Variants in RFX3 observed in about 807,000 individuals in gnomAD.
RFX3 encodes the protein regulatory factor X3.
In RFX3, 14 loss-of-function variants were observed where a neutral mutation model predicts 98.6. The observed-to-expected ratio is 0.14, with a 90% CI of 0.09 to 0.22. RFX3 has a LOEUF of 0.22. Among genes scored for constraint, RFX3 ranks in the 10% least tolerant of loss-of-function variants. The probability of loss-of-function intolerance (pLI) is 1.00; values close to 1 mark genes in which losing one functional copy is unlikely to be tolerated. For synonymous variants in RFX3, 383 were observed against 328.4 expected, an observed-to-expected ratio of 1.17 and a Z score of -1.80; for missense variants, 639 against 926.9, an observed-to-expected ratio of 0.69 and a Z score of 4.03.
intron 1 of RFX3, among the ~76,000 whole-genome samples, chr9:3,410,992 T>C (rs1842419215): frequency 6.6e-6 from 1 of 152,178 alleles, no homozygotes; most frequent in East Asian, 1.9e-4. Context: ...AAATGGTATT[T>C]TCTATGTAAT....
At position 3,352,534 on chromosome 9, in the gene RFX3, T is replaced by C. The variant is rs149654268; in HGVS notation, c.118-5770A>G. On this transcript the variant is annotated intron_variant, in intron 2 of 16. Transcript: ENST00000617270. ...CTTACCACTATGGCTGATCACATCT[T>C]AAACTTCTCTGCACCTTACACATTA... Among the ~76,000 whole-genome samples, 94 of 152,210 alleles carry C rather than the reference T, an allele frequency of 6.2e-4. 1 individual carries two copies. In the East Asian group the frequency reaches 7.5e-3, roughly 12 times the overall value.
At chr9:3,511,433 A>G (rs1401744680) in intron 1 of RFX3, among the ~76,000 whole-genome samples, 1 of 152,004 alleles carries the variant, frequency 6.6e-6, no homozygotes, top group African/African-American at 2.4e-5. Flanking sequence ...TAAAAAAACT[A>G]AGAGAAGGAA....
chr9:3,285,493 C>T (rs1017649762), intron 7 of RFX3, among the ~76,000 whole-genome samples: 9 of 151,644 alleles, frequency 5.9e-5, no homozygotes, highest in Admixed American at 1.3e-4. Context: ...CTAAATATTT[C>T]TGCACAACAG....
intron 2 of RFX3, among the ~76,000 whole-genome samples, chr9:3,360,901 G>C (rs1315077448): frequency 6.6e-6 from 1 of 152,138 alleles, no homozygotes; most frequent in Non-Finnish European, 1.5e-5. Context: ...ATTTATAATT[G>C]TTAAGCTTAT....
intron 1 of RFX3, among the ~76,000 whole-genome samples, chr9:3,464,441 A>T (rs1212428167): frequency 1.3e-5 from 2 of 152,242 alleles, no homozygotes; most frequent in African/African-American, 4.8e-5. Flanking sequence ...CACACAGTAA[A>T]CTACCACTCA....
intron 1 of RFX3, among the ~76,000 whole-genome samples, chr9:3,496,077 C>A (rs1851088230): frequency 6.6e-6 from 1 of 152,098 alleles, no homozygotes; most frequent in Non-Finnish European, 1.5e-5. Context: ...ATTTTCAGTT[C>A]TCTTATATCA....
chr9:3,270,741 G>T, intron 10 of RFX3: 2 of 659,956 alleles, frequency 3.0e-6, no homozygotes, highest in South Asian at 2.0e-5. Context: ...ATTTTCTGAC[G>T]GTATGAAAGG....
intron 1 of RFX3, among the ~76,000 whole-genome samples, chr9:3,442,646 G>T (rs114627884): frequency 6.6e-6 from 1 of 152,058 alleles, no homozygotes; most frequent in East Asian, 1.9e-4. Context: ...TATTTAAAAC[G>T]TTCACAAAAG....
intron 1 of RFX3, among the ~76,000 whole-genome samples, chr9:3,459,175 G>A (rs1157664934): frequency 6.6e-6 from 1 of 152,106 alleles, no homozygotes; most frequent in East Asian, 1.9e-4. Context: ...TGCTTCATCT[G>A]TACAAACAGA....
At chr9:3,514,754 T>C (rs1817988267) in intron 1 of RFX3, among the ~76,000 whole-genome samples, 2 of 152,228 alleles carry the variant, frequency 1.3e-5, no homozygotes, top group Non-Finnish European at 2.9e-5. Context: ...TATTTTAAAA[T>C]GCTCCTAAGA....
At chr9:3,451,696 C>A (rs992027969) in intron 1 of RFX3, among the ~76,000 whole-genome samples, 1 of 152,064 alleles carries the variant, frequency 6.6e-6, no homozygotes, top group African/African-American at 2.4e-5. Flanking sequence ...GACTTCCTTC[C>A]AGAGTAACCT....
chr9:3,281,963 C>T (rs1825967090), intron 7 of RFX3, among the ~76,000 whole-genome samples: 1 of 151,714 alleles, frequency 6.6e-6, no homozygotes, highest in Non-Finnish European at 1.5e-5. Flanking sequence ...TTCAAAGTGG[C>T]TGAAAAATGC....
chr9:3,504,873 TATATATTATATATA>T (rs1564185292), intron 1 of RFX3, among the ~76,000 whole-genome samples: 23 of 48,820 alleles, frequency 4.7e-4, no homozygotes, highest in Admixed American at 6.8e-4. Context: ...ATATATATTA[TATATATTATATATA>T]ATATAACATA....
At chr9:3,467,828 GAC>G (rs1848450110) in intron 1 of RFX3, among the ~76,000 whole-genome samples, 2 of 152,140 alleles carry the variant, frequency 1.3e-5, no homozygotes, top group African/African-American at 2.4e-5. Context: ...GCCTCCCACA[GAC>G]ACAGAGTTGT....
intron 1 of RFX3, among the ~76,000 whole-genome samples, chr9:3,400,951 G>A (rs1413742947): frequency 6.6e-6 from 1 of 152,216 alleles, no homozygotes; most frequent in Non-Finnish European, 1.5e-5. Flanking sequence ...AGCACATGAT[G>A]TCAACCAGTA....
At chr9:3,326,392 A>C (rs2991307) in intron 4 of RFX3, among the ~76,000 whole-genome samples, 19,258 of 152,070 alleles carry the variant, frequency 0.13, 1,281 homozygotes, top group Middle Eastern at 0.19. Flanking sequence ...TACATAAGTA[A>C]ATGTGTGGCA....
At chr9:3,400,185 C>A in intron 1 of RFX3, 1 of 948,914 alleles carries the variant, frequency 1.1e-6, no homozygotes, top group African/African-American at 1.8e-5. Context: ...TACCGAAGGC[C>A]ATACAGACGC....
chr9:3,524,671 A>C lies in RFX3; in HGVS notation c.-9+1076T>G, dbSNP rs546842345. On this transcript the variant is annotated intron_variant, in intron 1 of 16. Transcript: ENST00000617270. ...TTCATCACAAAGTCTCATAATCACAATGAAAATTGTTAACACTCTACTGCG... is the reference window on the plus strand; with the variant it reads ...TTCATCACAAAGTCTCATAATCACACTGAAAATTGTTAACACTCTACTGCG... The C allele has an allele frequency of 5.6e-5, 54 of 972,458 alleles. No homozygotes were observed. The East Asian group carries it at 3.5e-3, about 64-fold the overall frequency. 60.2% of individuals were successfully genotyped at this position (972,458 alleles called of 1,614,324 possible).
intron 14 of RFX3, among the ~76,000 whole-genome samples, chr9:3,254,042 T>C (rs370752564): frequency 6.6e-6 from 1 of 152,134 alleles, no homozygotes; most frequent in Admixed American, 6.5e-5. Context: ...CCTTCAAGTC[T>C]TTTTGAAACG....
Sources: gnomAD v4.1 joint callset for allele counts (sites outside exome capture counted in the v4.1 genomes callset) on GRCh38, gnomAD v4.1.1 for gene constraint, MANE v1.5 for transcripts, NCBI Gene and HGNC (gene_info 2026-07-23, HGNC 2026-07-21) for gene names.